The following BAIAP2 variants were observed in gnomAD, a reference collection of about 807,000 sequenced individuals.
The protein encoded by BAIAP2 is BAR/IMD domain containing adaptor protein 2.
Under a neutral mutation model 63.0 loss-of-function variants are expected in BAIAP2, and 18 were observed. The ratio of observed to expected loss-of-function variants is 0.29; its 90% CI spans 0.20 to 0.42. The LOEUF is 0.42. Among genes scored for constraint, BAIAP2 ranks in the 10% least tolerant of loss-of-function variants. The probability of loss-of-function intolerance (pLI) is 1.00; values close to 1 mark genes in which losing one functional copy is unlikely to be tolerated. For synonymous variants in BAIAP2, 386 were observed against 307.6 expected, an observed-to-expected ratio of 1.25 and a Z score of -2.67; for missense variants, 610 against 734.3, an observed-to-expected ratio of 0.83 and a Z score of 1.96.
intron 6 of BAIAP2, chr17:81,097,984 C>T (rs1257792494): frequency 3.4e-5 from 22 of 638,036 alleles, no homozygotes; most frequent in East Asian, 6.9e-5. Context: ...GGCTGGGGTT[C>T]TGGAATCGGG....
chr17:81,101,083 G>T (rs2058423674), intron 7 of BAIAP2, among the ~76,000 whole-genome samples: 1 of 150,946 alleles, frequency 6.6e-6, no homozygotes, highest in South Asian at 2.2e-4. Context: ...TCTCCCGCTA[G>T]GTGTCCCCCG....
At chr17:81,053,482 AT>A in intron 1 of BAIAP2, 185 bp from the exon 2 acceptor site, 1 of 640,562 alleles carries the variant, frequency 1.6e-6, no homozygotes, top group Non-Finnish European at 2.7e-6. Flanking sequence ...CAGGAAGGTC[AT>A]TTTCCCAAGG....
chr17:81,048,299 A>G (rs1381645652), intron 1 of BAIAP2, among the ~76,000 whole-genome samples: 2 of 144,114 alleles, frequency 1.4e-5, no homozygotes, highest in Non-Finnish European at 3.0e-5. Flanking sequence ...CAGGAGAATC[A>G]CTTGCTGAGA....
At position 81,115,900 on chromosome 17, in the gene BAIAP2, T is replaced by C; in HGVS notation, c.*61T>C. 6.2e-7 allele frequency: 1 copy of C among 1,601,516 alleles called. No homozygotes were observed. Among genetic ancestry groups the C allele is most frequent in the South Asian group, 1.1e-5 (1 of 90,618 alleles). Reference sequence around the variant, plus strand: ...CCCCCGCCCTTCCCATGTAGCCTGTTCTGTCATCATCTGTGCGTTCCTGTG... The same window carrying C: ...CCCCCGCCCTTCCCATGTAGCCTGTCCTGTCATCATCTGTGCGTTCCTGTG... On this transcript the variant is annotated 3_prime_UTR_variant, in exon 14 of 14. Coordinates refer to ENST00000428708, the MANE Select transcript of BAIAP2 (RefSeq NM_001144888.2).
intron 1 of BAIAP2, among the ~76,000 whole-genome samples, chr17:81,041,265 A>G (rs966724489): frequency 6.6e-6 from 1 of 152,198 alleles, no homozygotes; most frequent in Non-Finnish European, 1.5e-5. Context: ...CAGTGGGTAC[A>G]GCGGGCAGGA....
intron 3 of BAIAP2, among the ~76,000 whole-genome samples, chr17:81,070,539 G>A (rs1326274730): frequency 6.6e-6 from 1 of 152,218 alleles, no homozygotes; most frequent in Non-Finnish European, 1.5e-5. Context: ...GGCACAGGGA[G>A]GGTTGCTGCA....
chr17:81,069,550 G>T (rs530680967), intron 3 of BAIAP2, among the ~76,000 whole-genome samples: 115 of 152,352 alleles, frequency 7.5e-4, no homozygotes, highest in African/African-American at 2.7e-3. Flanking sequence ...TGGCTTCAAG[G>T]ACGCCTGCTG....
chr17:81,075,065 G>C (rs886120749), intron 3 of BAIAP2, among the ~76,000 whole-genome samples: 1 of 152,230 alleles, frequency 6.6e-6, no homozygotes, highest in Non-Finnish European at 1.5e-5. Flanking sequence ...TGTTGAGCCA[G>C]AGCCATTCGT....
intron 10 of BAIAP2, chr17:81,105,033 T>C (rs1034333541): frequency 4.7e-5 from 12 of 254,296 alleles, no homozygotes; most frequent in Non-Finnish European, 9.3e-5. Context: ...TCTCCCCCAA[T>C]GGCAGGGGTC....
chr17:81,063,139 T>G (rs938413433), intron 3 of BAIAP2, among the ~76,000 whole-genome samples: 4 of 151,736 alleles, frequency 2.6e-5, no homozygotes, highest in African/African-American at 9.7e-5. Context: ...GGGCAAAGGG[T>G]GTGTCCAAAG....
At chr17:81,108,356 G>T in intron 12 of BAIAP2, 119 bp from the exon 13 acceptor site, 3 of 1,156,996 alleles carry the variant, frequency 2.6e-6, no homozygotes, top group East Asian at 2.5e-5. Flanking sequence ...GCCTTCCAAA[G>T]GAACACGGTT....
rs576587503 is a variant in BAIAP2 at position 81,098,174 on chromosome 17, C to T, written c.490-1754C>T. ...CCCTGGGGTTTGGAACTGTCACTTC[C>T]ACCTACAGCCCTGTTGGTCAGGTGA... On this transcript the variant is annotated intron_variant, in intron 6 of 13. Coordinates refer to ENST00000428708, the MANE Select transcript of BAIAP2 (RefSeq NM_001144888.2). 5.5e-6 allele frequency: 8 copies of T among 1,459,990 alleles called. No individual in the cohort carries two copies. The African/African-American group carries it at 5.7e-5, about 10-fold the overall frequency. 90.4% of individuals were successfully genotyped at this position (1,459,990 alleles called of 1,614,324 possible). A position where few individuals can be genotyped will look rare whatever the true frequency, so the allele number is the denominator to read the frequency against.
At chr17:81,098,109 TG>T (rs2057944471) in intron 6 of BAIAP2, 2 of 1,381,858 alleles carry the variant, frequency 1.4e-6, no homozygotes, top group Admixed American at 2.7e-5. Context: ...CAGCGGGGGG[TG>T]GGGAGGCATG....
chr17:81,104,134 CTGGGGTCCCTGGACGTGCCTCCT>C (rs2145912360), intron 9 of BAIAP2, 26 bp downstream of exon 9: 1 of 1,610,192 alleles, frequency 6.2e-7, no homozygotes, highest in East Asian at 2.2e-5. Flanking sequence ...GGGTGTTGGG[CTGGGGTCCCTGGACGTGCCTCCT>C]CAGACCCTAC....
intron 13 of BAIAP2, chr17:81,110,179 C>CCT: frequency 1.0e-6 from 1 of 985,714 alleles, no homozygotes; most frequent in Non-Finnish European, 1.2e-6. Context: ...TTAGTAAAAG[C>CCT]CTCCCACACA....
In BAIAP2 at chr17:81,085,170, C is replaced by A. The variant is rs1598704770; in HGVS notation, c.279+277C>A. On this transcript the variant is annotated intron_variant, in intron 4 of 13. Coordinates refer to ENST00000428708, the MANE Select transcript of BAIAP2 (RefSeq NM_001144888.2). The stretch of plus-strand genomic sequence containing the variant: ...GTCCTGATCGCAGCCCCAGCCAGAC[C>A]CCACTCCTGGGGTTCACAAGGTTGC... 24 of 548,228 alleles carry A rather than the reference C, an allele frequency of 4.4e-5. No homozygotes were observed. In the East Asian group the frequency reaches 7.2e-4, roughly 16 times the overall value. 34.0% of individuals were successfully genotyped at this position (548,228 alleles called of 1,614,324 possible).
At chr17:81,038,901 G>GT (rs1491167733) in intron 1 of BAIAP2, among the ~76,000 whole-genome samples, 7 of 146,198 alleles carry the variant, frequency 4.8e-5, no homozygotes, top group African/African-American at 1.5e-4. Flanking sequence ...CTTCCTGGGT[G>GT]GGGGGGGCAG....
intron 7 of BAIAP2, among the ~76,000 whole-genome samples, chr17:81,102,917 C>T (rs1167042777): frequency 6.6e-6 from 1 of 152,242 alleles, no homozygotes; most frequent in Non-Finnish European, 1.5e-5. Flanking sequence ...GGCTCCCAGT[C>T]CCAGAACCTT....
At chr17:81,102,455 T>C (rs894570307) in intron 7 of BAIAP2, among the ~76,000 whole-genome samples, 6 of 152,172 alleles carry the variant, frequency 3.9e-5, no homozygotes, top group Admixed American at 6.5e-5. Context: ...TGCTTTTGGC[T>C]CTGTGGGCCG....
Sources: allele counts gnomAD v4.1 joint callset (sites outside exome capture counted in the v4.1 genomes callset), GRCh38; gene constraint gnomAD v4.1.1; transcripts MANE v1.5; gene names NCBI Gene and HGNC (gene_info 2026-07-23, HGNC 2026-07-21).